The following FKBP1B variants were observed in gnomAD, a reference collection of about 807,000 sequenced individuals.
FKBP1B encodes FKBP prolyl isomerase 1B, also known as peptidyl-prolyl cis-trans isomerase FKBP1B.
In FKBP1B, 4 loss-of-function variants were observed where a neutral mutation model predicts 13.5. That is an observed-to-expected ratio of 0.30 (90% confidence interval 0.15 to 0.68). The LOEUF (loss-of-function observed/expected upper bound fraction) is 0.68, where lower values mean the gene tolerates loss of function less well. Ranked by LOEUF, FKBP1B falls within the 30% of genes least tolerant of loss-of-function variation. FKBP1B has a pLI of 0.76. For missense variants in FKBP1B, 93 were observed against 136.2 expected (o/e 0.68, Z 1.58); for synonymous variants, 54 against 53.6 (o/e 1.01, Z -0.03).
intron 3 of FKBP1B, among the ~76,000 whole-genome samples, chr2:24,061,906 G>A (rs1335265320): frequency 6.6e-6 from 1 of 152,008 alleles, no homozygotes; most frequent in East Asian, 1.9e-4. Context: ...GTATCACTCT[G>A]TCACCAAGGC....
the FKBP1B span, among the ~76,000 whole-genome samples, chr2:24,041,340 C>CAA: frequency 2.5e-3 from 319 of 127,304 alleles, no homozygotes; most frequent in African/African-American, 7.3e-3. Flanking sequence ...ACTCTATCTC[C>CAA]AAAAAAAAAA....
At chr2:24,040,594 T>C in the FKBP1B span, among the ~76,000 whole-genome samples, 1 of 152,268 alleles carries the variant, frequency 6.6e-6, no homozygotes, top group Non-Finnish European at 1.5e-5. Flanking sequence ...TTTCAGAACA[T>C]TTTCACATTC....
Position 24,053,892 on chromosome 2 carries a change from C to T in FKBP1B, c.38-10C>T, listed in dbSNP as rs1558343748. The T allele has an allele frequency of 1.9e-6, 3 of 1,613,994 alleles. No individual in the cohort carries two copies. The highest frequency in any genetic ancestry group is 1.7e-6 in the Non-Finnish European group (2 of 1,179,850). On this transcript the variant is annotated splice_polypyrimidine_tract_variant and intron_variant, in intron 1 of 3. Transcript: ENST00000380986. ...CCTACTCCTTCATCTGCCCTCATGT[C>T]TCCCTGCAGGAAGGACATTCCCCAA...
At chr2:24,060,069 G>A (rs1323969157) in intron 2 of FKBP1B, among the ~76,000 whole-genome samples, 1 of 152,028 alleles carries the variant, frequency 6.6e-6, no homozygotes, top group African/African-American at 2.4e-5. Flanking sequence ...TTCTGCTCTG[G>A]GGAGCTATTG....
At chr2:24,047,987 C>A (rs1663686806), upstream of FKBP1B, among the ~76,000 whole-genome samples, 1 of 152,078 alleles carries the variant, frequency 6.6e-6, no homozygotes, top group African/African-American at 2.4e-5. Flanking sequence ...AGCCAGAACA[C>A]CTTCAGGGAT....
At chr2:24,061,004 T>A (rs1664366802) in intron 3 of FKBP1B, 78 bp downstream of exon 3, 3 of 1,039,918 alleles carry the variant, frequency 2.9e-6, no homozygotes, top group Admixed American at 1.9e-5. Context: ...CACCTCCACC[T>A]TCACCCACTC....
intron 2 of FKBP1B, among the ~76,000 whole-genome samples, chr2:24,060,355 C>T (rs532222215): frequency 6.6e-6 from 1 of 152,208 alleles, no homozygotes; most frequent in East Asian, 1.9e-4. Context: ...AGTTCAAGAC[C>T]AGCCTAGCCA....
the FKBP1B span, chr2:24,037,747 T>A: frequency 6.2e-7 from 1 of 1,614,248 alleles, no homozygotes; most frequent in East Asian, 2.2e-5. Context: ...CTTCCCATTA[T>A]GCAGACGGTT....
chr2:24,062,470 C>T (rs749160587), intron 3 of FKBP1B, among the ~76,000 whole-genome samples: 8 of 152,122 alleles, frequency 5.3e-5, no homozygotes, highest in East Asian at 1.9e-4. Context: ...TGAGCCACCA[C>T]GCCCGGACTT....
At chr2:24,045,392 A>G (rs1663578993), upstream of FKBP1B, among the ~76,000 whole-genome samples, 1 of 151,992 alleles carries the variant, frequency 6.6e-6, no homozygotes, top group Non-Finnish European at 1.5e-5. Flanking sequence ...ATCTGAGGTC[A>G]GGAGTTCGAC....
the FKBP1B span, among the ~76,000 whole-genome samples, chr2:24,035,489 C>A: frequency 6.6e-6 from 1 of 151,908 alleles, no homozygotes; most frequent in African/African-American, 2.4e-5. Flanking sequence ...TACAGTTTTG[C>A]TTTTTAAACC....
intron 2 of FKBP1B, 75 bp from the exon 3 acceptor site, chr2:24,060,737 ATT>A: frequency 9.3e-7 from 1 of 1,069,834 alleles, no homozygotes; most frequent in Admixed American, 1.8e-5. Context: ...AAGGCATTCC[ATT>A]TTAGACATGT....
At chr2:24,046,490 G>A (rs570807312), upstream of FKBP1B, among the ~76,000 whole-genome samples, 4 of 152,286 alleles carry the variant, frequency 2.6e-5, no homozygotes, top group African/African-American at 9.6e-5. Context: ...TCAGGTCTCC[G>A]GAGAGGTGGT....
At chr2:24,051,613 G>A (rs1311470695) in intron 1 of FKBP1B, among the ~76,000 whole-genome samples, 2 of 151,888 alleles carry the variant, frequency 1.3e-5, no homozygotes, top group Non-Finnish European at 2.9e-5. Context: ...AGTTGAAACA[G>A]ACAGGGTTCC....
upstream of FKBP1B, among the ~76,000 whole-genome samples, chr2:24,048,871 C>G (rs1663720041): frequency 6.6e-6 from 1 of 152,132 alleles, no homozygotes; most frequent in Non-Finnish European, 1.5e-5. Context: ...GACTTAGTAC[C>G]TGGAAGACAG....
At chr2:24,057,206 A>T (rs906187219) in intron 2 of FKBP1B, among the ~76,000 whole-genome samples, 4 of 148,734 alleles carry the variant, frequency 2.7e-5, no homozygotes, top group African/African-American at 5.0e-5. Flanking sequence ...TATTTTTGAG[A>T]TAGGATCTCA....
At chr2:24,059,894 C>CA (rs10679224) in intron 2 of FKBP1B, among the ~76,000 whole-genome samples, 9,064 of 49,148 alleles carry the variant, frequency 0.18, 1,242 homozygotes, top group Non-Finnish European at 0.24. Context: ...GACTCCGACT[C>CA]AAAAAAAAAA....
the FKBP1B span, chr2:24,039,293 G>C: frequency 6.2e-7 from 1 of 1,614,218 alleles, no homozygotes; most frequent in South Asian, 1.1e-5. Context: ...TCTGCAACAG[G>C]TGGGGCCCAG....
At position 24,063,286 on chromosome 2, in the gene FKBP1B, G is replaced by T; in HGVS notation, c.*94G>T. The T allele has an allele frequency of 7.9e-7, 1 of 1,266,714 alleles. No homozygotes were observed. The highest frequency in any genetic ancestry group is 1.1e-6 in the Non-Finnish European group (1 of 934,546). The allele number at this position is 1,266,714 out of a possible 1,614,324, so 78.5% of individuals were successfully genotyped here. ...GACGGCTCCTGCTTTTGGGGCTCTT[G>T]ATCAGTGTGCTAACCTCACTGCCTC... On this transcript the variant is annotated 3_prime_UTR_variant, in exon 4 of 4. Transcript: ENST00000380986.
Sources: gnomAD v4.1 joint callset for allele counts (sites outside exome capture counted in the v4.1 genomes callset) on GRCh38, gnomAD v4.1.1 for gene constraint, MANE v1.5 for transcripts, NCBI Gene and HGNC (gene_info 2026-07-23, HGNC 2026-07-21) for gene names.